Variants in TG observed in about 807,000 individuals in gnomAD.
TG encodes the protein thyroglobulin, also known as thyroid hormones.
In TG, 270 loss-of-function variants were observed where a neutral mutation model predicts 324.7. The observed-to-expected ratio is 0.83, with a 90% CI of 0.75 to 0.92. The LOEUF is 0.92. TG is among the 40% of genes least tolerant of loss of function. The pLI, the probability that TG is intolerant of heterozygous loss-of-function variation, is 0.00. For missense variants in TG, 3,591 were observed against 3,456.4 expected, an observed-to-expected ratio of 1.04 and a Z score of -0.98; for synonymous variants, 1,401 against 1,327.0, an observed-to-expected ratio of 1.06 and a Z score of -1.21.
In TG at chr8:132,911,422, T is replaced by C. The variant is rs757890854; in HGVS notation, c.4048T>C (p.Ser1350Pro). ...TLVSIPVCNNSSVQVGCLTRE... is the reference protein window; with the variant it reads ...TLVSIPVCNNPSVQVGCLTRE... ...GGTTTCCATTCCTGTCTGCAACAAC[T>C]CCTCTGTGCAGGTGGGTTGTCTGAC... Residue 1350 changes from serine (S) to proline (P), a missense_variant, in exon 19 of 48, where the codon TCC (serine) becomes CCC (proline). Transcript: ENST00000220616. 2.5e-6 allele frequency: 4 copies of C among 1,614,084 alleles called. No homozygotes were observed. In the East Asian group the frequency reaches 8.9e-5, roughly 36 times the overall value.
At chr8:133,043,263 C>T (rs1221957660) in intron 41 of TG, among the ~76,000 whole-genome samples, 1 of 152,124 alleles carries the variant, frequency 6.6e-6, no homozygotes, top group Non-Finnish European at 1.5e-5. Flanking sequence ...CTCATGGCCT[C>T]ATGGTCCCTA....
intron 36 of TG, among the ~76,000 whole-genome samples, chr8:133,012,870 G>T (rs911117848): frequency 3.3e-5 from 5 of 152,208 alleles, no homozygotes; most frequent in African/African-American, 1.2e-4. Flanking sequence ...CACTTTTTCA[G>T]AACTGTTCTT....
At chr8:132,872,310 C>T (rs1313719328) in intron 4 of TG, among the ~76,000 whole-genome samples, 1 of 151,486 alleles carries the variant, frequency 6.6e-6, no homozygotes, top group East Asian at 1.9e-4. Flanking sequence ...AACCCCGTCT[C>T]TACTAAAAAT....
chr8:132,920,644 G>T (rs1820972298), intron 21 of TG, among the ~76,000 whole-genome samples: 1 of 152,310 alleles, frequency 6.6e-6, no homozygotes, highest in Non-Finnish European at 1.5e-5. Context: ...TTTCTTAAAA[G>T]AAGATTAATG....
intron 41 of TG, chr8:133,047,755 C>T (rs753422940): frequency 1.4e-5 from 12 of 842,816 alleles, no homozygotes; most frequent in South Asian, 8.0e-5. Context: ...AAAATGAAGC[C>T]GTGTAATGAG....
At chr8:132,890,130 T>TC (rs1816020828) in intron 10 of TG, among the ~76,000 whole-genome samples, 1 of 151,916 alleles carries the variant, frequency 6.6e-6, no homozygotes, top group Non-Finnish European at 1.5e-5. Flanking sequence ...AATTGGCTTT[T>TC]TTTTAATTGA....
chr8:132,899,111 T>C, intron 14 of TG: 4 of 624,322 alleles, frequency 6.4e-6, no homozygotes, highest in Non-Finnish European at 1.2e-5. Context: ...TTTGTTTTGT[T>C]TAATCATAAG....
chr8:132,868,042 C>G, intron 1 of TG, 73 bp from the exon 2 acceptor site: 1 of 1,361,548 alleles, frequency 7.3e-7, no homozygotes, highest in South Asian at 1.2e-5. Context: ...AGCATCTGTG[C>G]TTATGAGAGC....
chr8:133,133,530 T>C lies in TG; in HGVS notation c.8058T>C (p.Pro2686=), dbSNP rs745612969. 9.9e-6 allele frequency: 16 copies of C among 1,614,098 alleles called. 1 individual carries two copies. The Admixed American group carries it at 2.7e-4, about 27-fold the overall frequency. Residue 2686 remains proline, a synonymous_variant, in exon 47 of 48, where the codon CCT becomes CCC. Transcript: ENST00000220616. ...RKVPTFATPW[P]DFVPRAGGEN... ...TACCCACATTTGCAACCCCCTGGCC[T>C]GACTTTGTACCCCGTGCTGGTGGAG...
intron 35 of TG, among the ~76,000 whole-genome samples, chr8:132,986,485 G>C (rs1053107920): frequency 1.3e-5 from 2 of 151,808 alleles, no homozygotes; most frequent in Non-Finnish European, 2.9e-5. Context: ...ATGTATATAC[G>C]TAGTGACTCA....
Position 132,961,028 on chromosome 8 carries a change from A to G in TG, c.5422A>G (p.Thr1808Ala), listed in dbSNP as rs368521956. 6.2e-7 allele frequency: 1 copy of G among 1,614,030 alleles called. No individual in the cohort carries two copies. Among genetic ancestry groups the G allele is most frequent in the Non-Finnish European group, 8.5e-7 (1 of 1,179,934 alleles). ...TGCAGGTCTGACACCCTTAGAAGGA[A>G]CTCAAGACACCTTTACCAATTTTCA... ...FIKSLTPLEG[T>A]QDTFTNFQQV... The change falls in exon 28 of 48, where the codon ACT becomes GCT. Residue 1808 changes from threonine (T) to alanine (A), a missense_variant. Thr to Ala is a moderately conservative substitution (Grantham distance 58). Coordinates refer to ENST00000220616, the MANE Select transcript of TG (RefSeq NM_003235.5).
chr8:132,876,766 C>T (rs1587196589), intron 5 of TG, among the ~76,000 whole-genome samples: 1 of 152,368 alleles, frequency 6.6e-6, no homozygotes, highest in East Asian at 1.9e-4. Flanking sequence ...GACACACATT[C>T]TGACCAAGCA....
In TG at chr8:132,906,766, C is replaced by T; in HGVS notation, c.3713C>T (p.Thr1238Ile). ...CTGTGTGAGACAATCTCGGGCCCCA[C>T]AGGCTCTGCCATGCAGCAGTGCCAA... ...TILCETISGP[T>I]GSAMQQCQLL... Residue 1238 changes from threonine (T) to isoleucine (I), a missense_variant, in exon 17 of 48, where the codon ACA becomes ATA. Coordinates refer to ENST00000220616, the MANE Select transcript of TG (RefSeq NM_003235.5). 1 of 1,614,248 alleles carries T rather than the reference C, an allele frequency of 6.2e-7. No individual in the cohort carries two copies. Among genetic ancestry groups the T allele is most frequent in the Non-Finnish European group, 8.5e-7 (1 of 1,180,052 alleles).
intron 35 of TG, chr8:132,995,233 T>G: frequency 1.0e-6 from 1 of 958,816 alleles, no homozygotes; most frequent in South Asian, 4.8e-5. Flanking sequence ...CCATGTTACC[T>G]ATTACCTACA....
chr8:132,930,522 A>T (rs1822551400), intron 23 of TG, among the ~76,000 whole-genome samples: 1 of 152,138 alleles, frequency 6.6e-6, no homozygotes, highest in African/African-American at 2.4e-5. Context: ...CTCTACTAAA[A>T]ATACAAAAAA....
intron 43 of TG, chr8:133,102,796 C>T: frequency 2.0e-6 from 1 of 496,844 alleles, no homozygotes. Flanking sequence ...CAAGCACAGG[C>T]ATCTCCAAGG....
intron 43 of TG, among the ~76,000 whole-genome samples, chr8:133,101,464 C>T (rs979402070): frequency 6.6e-5 from 10 of 152,194 alleles, no homozygotes; most frequent in Non-Finnish European, 1.0e-4. Flanking sequence ...CTGAAGATGG[C>T]AGGTTCTGGA....
chr8:132,959,661 T>A (rs912244846), intron 27 of TG, among the ~76,000 whole-genome samples: 2 of 152,158 alleles, frequency 1.3e-5, no homozygotes, highest in African/African-American at 4.8e-5. Flanking sequence ...AGTGTGGTGA[T>A]TAGGAAGGAG....
intron 41 of TG, among the ~76,000 whole-genome samples, chr8:133,030,738 G>A (rs1304187753): frequency 6.6e-6 from 1 of 152,222 alleles, no homozygotes; most frequent in Non-Finnish European, 1.5e-5. Flanking sequence ...GAAGGCCCCA[G>A]CCAAGCATAA....
Sources: gnomAD v4.1 joint callset for allele counts (sites outside exome capture counted in the v4.1 genomes callset) on GRCh38, gnomAD v4.1.1 for gene constraint, MANE v1.5 for transcripts, NCBI Gene and HGNC (gene_info 2026-07-23, HGNC 2026-07-21) for gene names.